EPHA4: variants seen among roughly 807,000 people sequenced by gnomAD.
EPHA4 encodes ephrin type-A receptor 4.
In EPHA4, 19 loss-of-function variants were observed where a neutral mutation model predicts 108.3. The ratio of observed to expected loss-of-function variants is 0.18; its 90% CI spans 0.12 to 0.26. EPHA4 has a LOEUF of 0.26. Among genes scored for constraint, EPHA4 ranks in the 10% least tolerant of loss-of-function variants. The pLI is 1.00. For missense variants in EPHA4, 917 were observed against 1,254.0 expected (o/e 0.73, Z 4.06); for synonymous variants, 449 against 455.5 (o/e 0.99, Z 0.18).
intron 3 of EPHA4, among the ~76,000 whole-genome samples, chr2:221,551,927 T>C (rs1031135453): frequency 1.1e-4 from 16 of 151,924 alleles, no homozygotes; most frequent in African/African-American, 3.6e-4. Context: ...AGAGAGGCAA[T>C]TCTAAAAGAA....
chr2:221,421,796 C>T (rs566913801), intron 17 of EPHA4, among the ~76,000 whole-genome samples: 4 of 152,176 alleles, frequency 2.6e-5, no homozygotes, highest in Non-Finnish European at 4.4e-5. Context: ...CCAAAATGCA[C>T]TTTTATAGAT....
At chr2:221,426,242 T>A in intron 16 of EPHA4, 100 bp from the exon 17 acceptor site, 1 of 1,161,856 alleles carries the variant, frequency 8.6e-7, no homozygotes, top group Non-Finnish European at 1.3e-6. Flanking sequence ...CAGCCACAAT[T>A]AATACAGCAC....
chr2:221,552,204 T>G (rs533330785), intron 3 of EPHA4, among the ~76,000 whole-genome samples: 2 of 152,334 alleles, frequency 1.3e-5, no homozygotes, highest in South Asian at 4.1e-4. Context: ...CATTCTTCTC[T>G]AAGCACAGGC....
intron 11 of EPHA4, among the ~76,000 whole-genome samples, chr2:221,442,261 C>T (rs1690451355): frequency 1.3e-5 from 2 of 152,254 alleles, no homozygotes; most frequent in African/African-American, 4.8e-5. Context: ...TGAGCTGTGT[C>T]GCATTTTAAC....
intron 8 of EPHA4, among the ~76,000 whole-genome samples, chr2:221,454,077 G>C (rs982603870): frequency 2.0e-5 from 3 of 152,072 alleles, no homozygotes; most frequent in Non-Finnish European, 4.4e-5. Flanking sequence ...CTACTCAGGA[G>C]GGTGAGACAG....
chr2:221,440,487 C>T (rs1690386717), intron 11 of EPHA4, among the ~76,000 whole-genome samples: 1 of 152,106 alleles, frequency 6.6e-6, no homozygotes, highest in African/African-American at 2.4e-5. Flanking sequence ...CCCTGAAGGC[C>T]ACAGGCAACA....
chr2:221,537,831 C>T (rs551239625), intron 3 of EPHA4, among the ~76,000 whole-genome samples: 3 of 152,048 alleles, frequency 2.0e-5, no homozygotes, highest in East Asian at 3.9e-4. Flanking sequence ...ACAAAGATGA[C>T]GATGACGAAG....
intron 4 of EPHA4, among the ~76,000 whole-genome samples, chr2:221,485,747 G>C (rs1281443050): frequency 1.3e-5 from 2 of 152,072 alleles, no homozygotes; most frequent in African/African-American, 4.8e-5. Context: ...TCATTTAAAG[G>C]GAGGGCCCAT....
intron 3 of EPHA4, chr2:221,533,128 A>C (rs1181387215): frequency 2.0e-5 from 3 of 152,210 alleles, no homozygotes; most frequent in Non-Finnish European, 4.4e-5. Flanking sequence ...GTTACATTTC[A>C]TCTGAGCCAT....
At chr2:221,547,009 G>A (rs987804653) in intron 3 of EPHA4, among the ~76,000 whole-genome samples, 2 of 152,166 alleles carry the variant, frequency 1.3e-5, no homozygotes, top group Admixed American at 6.5e-5. Flanking sequence ...GCTCTACTGA[G>A]CTGAAAGGTG....
chr2:221,434,098 G>C, intron 14 of EPHA4, 44 bp downstream of exon 14: 1 of 1,577,426 alleles, frequency 6.3e-7, no homozygotes, highest in Non-Finnish European at 8.6e-7. Flanking sequence ...AGAACTTCCT[G>C]AATCTCAATG....
At chr2:221,549,458 G>A (rs1249876842) in intron 3 of EPHA4, among the ~76,000 whole-genome samples, 1 of 152,146 alleles carries the variant, frequency 6.6e-6, no homozygotes, top group African/African-American at 2.4e-5. Context: ...CTCTCTGGCT[G>A]TTGGTCTCTC....
Position 221,526,666 on chromosome 2 carries a change from G to T in EPHA4, c.824-25494C>A, listed in dbSNP as rs1378703733. On this transcript the variant is annotated intron_variant, in intron 3 of 17. Transcript: ENST00000281821. The stretch of plus-strand genomic sequence containing the variant: ...GTTCCAGACCAGCCTAGCCAACTTG[G>T]TGAAACCCGCTCTCTACTAGAAATA... 6.6e-5 allele frequency among the ~76,000 whole-genome samples: 10 copies of T among 151,818 alleles called. No homozygotes were observed. The East Asian group carries it at 1.9e-3, about 29-fold the overall frequency.
At chr2:221,451,934 T>C (rs185589628) in intron 8 of EPHA4, among the ~76,000 whole-genome samples, 2 of 152,142 alleles carry the variant, frequency 1.3e-5, no homozygotes, top group Admixed American at 6.5e-5. Flanking sequence ...TGGCTTGCCT[T>C]AGGCTCAGGC....
chr2:221,567,148 A>C (rs1039970370), intron 2 of EPHA4, among the ~76,000 whole-genome samples: 14 of 152,262 alleles, frequency 9.2e-5, no homozygotes, highest in African/African-American at 3.1e-4. Context: ...TCAGGTTCAA[A>C]ATTTGATTAG....
rs145623862 is a variant in EPHA4, at chr2:221,418,505, G to C, written c.*2867C>G. On this transcript the variant is annotated 3_prime_UTR_variant, in exon 18 of 18. Coordinates refer to ENST00000281821, the MANE Select transcript of EPHA4 (RefSeq NM_004438.5). ...CTTCAGACAAATATTGAGGCTATACGGGTGTACGGATTAATACACATATCC... is the reference window on the plus strand; with the variant it reads ...CTTCAGACAAATATTGAGGCTATACCGGTGTACGGATTAATACACATATCC... 6.6e-6 allele frequency: 1 copy of C among 152,556 alleles called. No homozygotes were observed. The highest frequency in any genetic ancestry group is 1.5e-5 in the Non-Finnish European group (1 of 68,032). 9.5% of individuals were successfully genotyped at this position (152,556 alleles called of 1,614,324 possible). A position where few individuals can be genotyped will look rare whatever the true frequency, so the allele number is the denominator to read the frequency against.
rs765098488 is a variant in EPHA4 at position 221,442,740 on chromosome 2, C to T, written c.2074+89G>A. ...CTCCTATTAGCAATCAGTGGGTCTG[C>T]GCCATCTGTCATTTCCCTGGAAAGA... is the stretch of plus-strand genomic sequence containing the variant. On this transcript the variant is annotated intron_variant, in intron 11 of 17. Coordinates refer to ENST00000281821, the MANE Select transcript of EPHA4 (RefSeq NM_004438.5). 130 of 1,365,328 alleles carry T rather than the reference C, an allele frequency of 9.5e-5. 1 individual carries two copies. The highest frequency in any genetic ancestry group is 5.4e-4 in the African/African-American group (38 of 70,040). The allele number at this position is 1,365,328 out of a possible 1,614,324, so 84.6% of individuals were successfully genotyped here.
intron 3 of EPHA4, among the ~76,000 whole-genome samples, chr2:221,514,672 G>C (rs10498116): frequency 6.6e-6 from 1 of 152,062 alleles, no homozygotes; most frequent in Non-Finnish European, 1.5e-5. Context: ...ATCACAAATG[G>C]CATGCAGGAG....
intron 13 of EPHA4, among the ~76,000 whole-genome samples, chr2:221,434,619 G>A (rs1217637436): frequency 6.6e-6 from 1 of 152,214 alleles, no homozygotes; most frequent in Non-Finnish European, 1.5e-5. Context: ...TCAGTGATAT[G>A]TAGCTGACAT....
Sources: gnomAD v4.1 joint callset for allele counts (sites outside exome capture counted in the v4.1 genomes callset) on GRCh38, gnomAD v4.1.1 for gene constraint, MANE v1.5 for transcripts, NCBI Gene and HGNC (gene_info 2026-07-23, HGNC 2026-07-21) for gene names.